Variants in WAC observed in about 807,000 individuals in gnomAD.
WAC encodes the protein WW domain-containing adapter protein with coiled-coil.
A neutral mutation model predicts 79.6 loss-of-function variants in WAC; 11 were observed. The ratio of observed to expected loss-of-function variants is 0.14; its 90% CI spans 0.09 to 0.23. The LOEUF is 0.23. WAC is among the 10% of genes least tolerant of loss of function. The pLI, the probability that WAC is intolerant of heterozygous loss-of-function variation, is 1.00. For synonymous variants in WAC, 304 were observed against 276.9 expected (o/e 1.10, Z -0.97); for missense variants, 728 against 773.5 (o/e 0.94, Z 0.70).
Position 28,596,891 on chromosome 10 carries a change from A to G in WAC, c.919+850A>G, listed in dbSNP as rs1045259484. ...TTGACAAAAGGGCTCAAATAGTTGG[A>G]TTTCTTTTGTTTCTGATTTCCTCTC... On this transcript the variant is annotated intron_variant, in intron 7 of 13. Transcript: ENST00000354911. Among the ~76,000 whole-genome samples the G allele has an allele frequency of 8.5e-5, 13 of 152,154 alleles. No individual in the cohort carries two copies. In the East Asian group the frequency reaches 2.3e-3, roughly 27 times the overall value.
chr10:28,610,854 G>T, intron 9 of WAC, 33 bp downstream of exon 9: 1 of 1,529,478 alleles, frequency 6.5e-7, no homozygotes, highest in Non-Finnish European at 8.7e-7. Flanking sequence ...TCTCTAGAAT[G>T]GCATCTTGAT....
intron 3 of WAC, among the ~76,000 whole-genome samples, chr10:28,553,993 A>G (rs796759102): frequency 2.0e-5 from 3 of 151,972 alleles, no homozygotes; most frequent in African/African-American, 7.3e-5. Flanking sequence ...CTGTCTCCCA[A>G]GTGTCCAGGA....
intron 7 of WAC, among the ~76,000 whole-genome samples, chr10:28,601,218 A>G (rs948776736): frequency 2.6e-5 from 4 of 152,152 alleles, no homozygotes; most frequent in African/African-American, 9.7e-5. Flanking sequence ...CAGCTTAACC[A>G]TGTAAAACAA....
intron 3 of WAC, among the ~76,000 whole-genome samples, chr10:28,579,738 C>T (rs1182386282): frequency 1.3e-5 from 2 of 152,116 alleles, no homozygotes; most frequent in East Asian, 3.9e-4. Context: ...AAGAGATACA[C>T]GGAGAAAGTA....
intron 3 of WAC, among the ~76,000 whole-genome samples, chr10:28,539,783 T>C (rs1160720406): frequency 1.3e-5 from 2 of 152,166 alleles, no homozygotes; most frequent in African/African-American, 4.8e-5. Context: ...GGTCTCAATC[T>C]CCTGCTCTCA....
intron 3 of WAC, among the ~76,000 whole-genome samples, chr10:28,560,337 G>T (rs1838232034): frequency 6.6e-6 from 1 of 152,136 alleles, no homozygotes; most frequent in African/African-American, 2.4e-5. Context: ...TTCCAGCCTG[G>T]GCAACAAAGC....
At chr10:28,612,229 A>G (rs1346381093) in intron 10 of WAC, among the ~76,000 whole-genome samples, 2 of 152,244 alleles carry the variant, frequency 1.3e-5, no homozygotes, top group African/African-American at 2.4e-5. Context: ...TCAAACTCCA[A>G]AAGACATGAA....
At position 28,598,922 on chromosome 10, in the gene WAC, TTG is replaced by T. The variant is rs796414468; in HGVS notation, c.919+2884_919+2885del. ...GAATTATCTGTTTTTATAGGGGAAA[TTG>T]TGCAGTCTTTCCAAGTACTTCTCCT... On this transcript the variant is annotated intron_variant, in intron 7 of 13. Transcript: ENST00000354911. Among the ~76,000 whole-genome samples, 28 of 152,336 alleles carry T rather than the reference TTG, an allele frequency of 1.8e-4. 1 individual carries two copies. Among genetic ancestry groups the T allele is most frequent in the African/African-American group, 6.5e-4 (27 of 41,576 alleles).
chr10:28,608,501 C>T (rs1386662603), intron 8 of WAC, 70 bp downstream of exon 8: 4 of 1,412,442 alleles, frequency 2.8e-6, no homozygotes, highest in Non-Finnish European at 3.8e-6. Flanking sequence ...GTAAAATCCC[C>T]AGTTTAGGAA....
At position 28,535,610 on chromosome 10, in the gene WAC, C is replaced by G. The variant is rs370445050; in HGVS notation, c.127C>G (p.His43Asp). The G allele has an allele frequency of 1.9e-6, 3 of 1,614,002 alleles. No individual in the cohort carries two copies. The highest frequency in any genetic ancestry group is 2.7e-5 in the African/African-American group (2 of 74,988). Residue 43 changes from histidine to aspartate, a missense_variant, in exon 3 of 14, where the codon CAT becomes GAT. This residue lies in a region of WAC where 648 missense variants were observed against 661.5 expected (regional missense o/e 0.98). Coordinates refer to ENST00000354911, the MANE Select transcript of WAC (RefSeq NM_016628.5). ...TCACCCCAGTAGCGGTGATCACAGA[C>G]ATGAAAAGATGCGAGACGCCGGAGA... ...KSHPSSGDHR[H>D]EKMRDAGDPS...
rs1261618097 is a variant in WAC, at chr10:28,622,238, CTTAATACAA to C, written c.*2633_*2641del. The C allele has an allele frequency of 6.6e-6, 1 of 151,906 alleles. No individual in the cohort carries two copies. Among genetic ancestry groups the C allele is most frequent in the East Asian group, 1.9e-4 (1 of 5,188 alleles). The allele number at this position is 151,906 out of a possible 1,614,324, so 9.4% of individuals were successfully genotyped here. On this transcript the variant is annotated 3_prime_UTR_variant, in exon 14 of 14. Transcript: ENST00000354911. ...TGTGGAAATATTTTAAATATTGCAC[CTTAATACAA>C]GGTATCCAGCTCCTAACCTTAACTA... is the stretch of plus-strand genomic sequence containing the variant.
At chr10:28,611,658 TG>T in intron 9 of WAC, 115 bp from the exon 10 acceptor site, 3 of 1,328,904 alleles carry the variant, frequency 2.3e-6, no homozygotes, top group Non-Finnish European at 2.0e-6. Context: ...CTGGGTAATA[TG>T]GGGGTGGGGG....
At position 28,589,620 on chromosome 10, in the gene WAC, G is replaced by A. The variant is rs1442975969; in HGVS notation, c.382-116G>A. The A allele has an allele frequency of 5.1e-6, 3 of 586,210 alleles. No homozygotes were observed. The East Asian group carries it at 9.2e-5, about 18-fold the overall frequency. 36.3% of individuals were successfully genotyped at this position (586,210 alleles called of 1,614,324 possible). A position where few individuals can be genotyped will look rare whatever the true frequency, so the allele number is the denominator to read the frequency against. ...TACTTACACAGATAATTGCATTCTAGTTCAGAGTACCTTTATCTCATAAGT... is the reference window on the plus strand; with the variant it reads ...TACTTACACAGATAATTGCATTCTAATTCAGAGTACCTTTATCTCATAAGT... On this transcript the variant is annotated intron_variant, in intron 4 of 13. Transcript: ENST00000354911.
intron 3 of WAC, among the ~76,000 whole-genome samples, chr10:28,544,693 A>G (rs1257635870): frequency 6.6e-6 from 1 of 152,108 alleles, no homozygotes; most frequent in Non-Finnish European, 1.5e-5. Context: ...GGCTTGTGGG[A>G]ACATTCTAAC....
chr10:28,574,164 T>G (rs1436433918), intron 3 of WAC, among the ~76,000 whole-genome samples: 1 of 152,140 alleles, frequency 6.6e-6, no homozygotes, highest in South Asian at 2.1e-4. Flanking sequence ...TTTGTTTTGT[T>G]TTGTTTTTGT....
intron 3 of WAC, among the ~76,000 whole-genome samples, chr10:28,581,866 C>T (rs982678895): frequency 1.3e-5 from 2 of 152,122 alleles, no homozygotes; most frequent in African/African-American, 4.8e-5. Flanking sequence ...TGATTCTGTT[C>T]ATTCATAGAG....
chr10:28,578,582 C>G (rs867768696), intron 3 of WAC, among the ~76,000 whole-genome samples: 2 of 152,112 alleles, frequency 1.3e-5, no homozygotes, highest in East Asian at 3.9e-4. Context: ...CTCTGCTTTC[C>G]CTACTCCTAA....
chr10:28,542,244 A>G (rs1837094803), intron 3 of WAC, among the ~76,000 whole-genome samples: 2 of 152,146 alleles, frequency 1.3e-5, no homozygotes, highest in Non-Finnish European at 2.9e-5. Context: ...AACACTCTGA[A>G]ACAGTCATTC....
chr10:28,611,004 T>G lies in WAC; in HGVS notation c.1288+183T>G, dbSNP rs895172993. The G allele has an allele frequency of 2.3e-5, 15 of 664,560 alleles. No individual in the cohort carries two copies. The African/African-American group carries it at 2.6e-4, about 11-fold the overall frequency. 41.2% of individuals were successfully genotyped at this position (664,560 alleles called of 1,614,324 possible). ...ACAGTAGTATTTTTATTTCCTTTCT[T>G]TTTAGATGAAGCAAGCTTTGACATT... is the stretch of plus-strand genomic sequence containing the variant. On this transcript the variant is annotated intron_variant, in intron 9 of 13. Transcript: ENST00000354911.
Sources: gnomAD v4.1 joint callset for allele counts (sites outside exome capture counted in the v4.1 genomes callset) on GRCh38, gnomAD v4.1.1 for gene constraint, gnomAD v4.1.1 regional missense constraint, MANE v1.5 for transcripts, NCBI Gene and HGNC (gene_info 2026-07-23, HGNC 2026-07-21) for gene names.